The following ALPK3 variants were observed in gnomAD, a reference collection of about 807,000 sequenced individuals.
ALPK3 encodes alpha kinase 3.
Under a neutral mutation model 140.0 loss-of-function variants are expected in ALPK3, and 102 were observed. That is an observed-to-expected ratio of 0.73 (90% CI 0.62 to 0.86). The LOEUF is 0.86. ALPK3 is among the 40% of genes least tolerant of loss of function. The probability of loss-of-function intolerance (pLI) is 0.00; values close to 1 mark genes in which losing one functional copy is unlikely to be tolerated. For synonymous variants in ALPK3, 938 were observed against 898.5 expected (o/e 1.04, Z -0.79); for missense variants, 2,254 against 2,208.2 (o/e 1.02, Z -0.42).
chr15:84,845,485 G>A (rs1227886907), intron 5 of ALPK3, among the ~76,000 whole-genome samples: 1 of 151,962 alleles, frequency 6.6e-6, no homozygotes, highest in Non-Finnish European at 1.5e-5. Context: ...TTGGCCAGAA[G>A]ACTGAAAAAG....
Position 84,858,341 on chromosome 15 carries a change from G to A in ALPK3, c.3603G>A (p.Val1201=). Residue 1201 remains valine, a synonymous_variant, in exon 6 of 14, where the codon GTG becomes GTA. Transcript: ENST00000258888. ...VSPRGPRKSL[V]PGSPGTPGRE... ...CCCGGGGGCCCAGGAAAAGCCTGGT[G>A]CCTGGGTCCCCAGGGACTCCAGGGC... 2 of 1,557,644 alleles carry A rather than the reference G, an allele frequency of 1.3e-6. No homozygotes were observed. Among genetic ancestry groups the A allele is most frequent in the Non-Finnish European group, 1.7e-6 (2 of 1,151,246 alleles).
Position 84,871,497 on chromosome 15 carries a change from T to C in ALPK3, c.*3041T>C, listed in dbSNP as rs1157061512. On this transcript the variant is annotated 3_prime_UTR_variant, in exon 14 of 14. Transcript: ENST00000258888. ...TACTACGTCTTTGAGGATGTGCTCC[T>C]TGCTGGGGGACTAAACTCTCCACGC... is the stretch of plus-strand genomic sequence containing the variant. 2 of 152,270 alleles carry C rather than the reference T, an allele frequency of 1.3e-5. No homozygotes were observed. Among genetic ancestry groups the C allele is most frequent in the Non-Finnish European group, 2.9e-5 (2 of 68,060 alleles). 9.4% of individuals were successfully genotyped at this position (152,270 alleles called of 1,614,324 possible).
At chr15:84,821,511 G>A (rs960015491) in intron 1 of ALPK3, among the ~76,000 whole-genome samples, 6 of 152,220 alleles carry the variant, frequency 3.9e-5, no homozygotes, top group Non-Finnish European at 8.8e-5. Context: ...GTTGGCCAGT[G>A]CCTTGGAACC....
Position 84,856,888 on chromosome 15 carries a change from C to T in ALPK3, c.2150C>T (p.Pro717Leu). The change falls in exon 6 of 14, where the codon CCC (proline) becomes CTC (leucine). Residue 717 changes from proline (P) to leucine (L), a missense_variant. Coordinates refer to ENST00000258888, the MANE Select transcript of ALPK3 (RefSeq NM_020778.5). ...EKGTQSEGSA[P>L]TAMEGQSEQE... The stretch of plus-strand genomic sequence containing the variant: ...GGGACGCAGTCAGAGGGGAGCGCGC[C>T]CACAGCCATGGAAGGTCAGTCTGAG... 1 of 1,613,946 alleles carries T rather than the reference C, an allele frequency of 6.2e-7. No individual in the cohort carries two copies. Among genetic ancestry groups the T allele is most frequent in the South Asian group, 1.1e-5 (1 of 91,044 alleles).
At position 84,864,612 on chromosome 15, in the gene ALPK3, A is replaced by G. The variant is rs1225132252; in HGVS notation, c.4670A>G (p.Gln1557Arg). 6 of 1,614,216 alleles carry G rather than the reference A, an allele frequency of 3.7e-6. No individual in the cohort carries two copies. Among genetic ancestry groups the G allele is most frequent in the Non-Finnish European group, 5.1e-6 (6 of 1,180,026 alleles). ...SEAMQKCQTF[Q>R]HWLYQWTNGS... Reference sequence around the variant, plus strand: ...GCCATGCAGAAATGCCAGACCTTCCAACACTGGCTGTATCAGTGGACAAAT... The same window carrying G: ...GCCATGCAGAAATGCCAGACCTTCCGACACTGGCTGTATCAGTGGACAAAT... The change falls in exon 12 of 14, where the codon CAA (glutamine) becomes CGA (arginine). Residue 1557 changes from glutamine (Q) to arginine (R), a missense_variant. Transcript: ENST00000258888.
Position 84,839,803 on chromosome 15 carries a change from A to C in ALPK3, c.524A>C (p.Tyr175Ser), listed in dbSNP as rs753599829. The stretch of plus-strand genomic sequence containing the variant: ...CTGGAGGTGGGCACCATGACTGAGT[A>C]CAAGATCCACCAGCGCTGGTTCGCC... Reference protein sequence around the residue: ...GVLEVGTMTEYKIHQRWFAKL... With the variant: ...GVLEVGTMTESKIHQRWFAKL... The change falls in exon 5 of 14, where the codon TAC (tyrosine) becomes TCC (serine). Residue 175 changes from tyrosine (Y) to serine (S), a missense_variant. Around this residue, in one of 3 missense-constraint regions of ALPK3, gnomAD observed 2,088 missense variants for 2,022.9 expected, o/e 1.03. Coordinates refer to ENST00000258888, the MANE Select transcript of ALPK3 (RefSeq NM_020778.5). 16 of 1,613,994 alleles carry C rather than the reference A, an allele frequency of 9.9e-6. No homozygotes were observed. The highest frequency in any genetic ancestry group is 1.4e-5 in the Non-Finnish European group (16 of 1,180,022).
At chr15:84,832,024 T>C (rs1419941633) in intron 3 of ALPK3, among the ~76,000 whole-genome samples, 2 of 152,222 alleles carry the variant, frequency 1.3e-5, no homozygotes, top group Non-Finnish European at 2.9e-5. Flanking sequence ...GCTGGCTTAC[T>C]CTCAGGGCAG....
At chr15:84,849,012 C>T (rs1963767665) in intron 5 of ALPK3, among the ~76,000 whole-genome samples, 1 of 151,996 alleles carries the variant, frequency 6.6e-6, no homozygotes. Flanking sequence ...CATGGTGGTG[C>T]ATGCCTGTAA....
chr15:84,847,559 A>G (rs1312031478), intron 5 of ALPK3, among the ~76,000 whole-genome samples: 3 of 152,226 alleles, frequency 2.0e-5, no homozygotes, highest in African/African-American at 7.2e-5. Flanking sequence ...TAGGGAAGCA[A>G]TGATTTGAAT....
chr15:84,868,321 C>T lies in ALPK3; in HGVS notation c.4983C>T (p.Leu1661=), dbSNP rs752848836. ...QLSPQPQKKG[L]PSPQGTRKSA... is the part of the protein sequence containing the mutation. The stretch of plus-strand genomic sequence containing the variant: ...GTCCTCAGCCCCAGAAGAAAGGCCT[C>T]CCTAGTCCTCAGGGCACCCGGAAGA... The change falls in exon 14 of 14, where the codon CTC becomes CTT. Residue 1661 remains leucine, a synonymous_variant. Coordinates refer to ENST00000258888, the MANE Select transcript of ALPK3 (RefSeq NM_020778.5). 14 of 1,614,124 alleles carry T rather than the reference C, an allele frequency of 8.7e-6. No individual in the cohort carries two copies. Among genetic ancestry groups the T allele is most frequent in the African/African-American group, 1.3e-5 (1 of 75,050 alleles).
chr15:84,846,079 A>AACAACAAT (rs781571011), intron 5 of ALPK3, among the ~76,000 whole-genome samples: 2 of 152,112 alleles, frequency 1.3e-5, no homozygotes, highest in Non-Finnish European at 2.9e-5. Context: ...AAAATAAAAC[A>AACAACAAT]ACAACAATAA....
chr15:84,852,516 A>T (rs565880339), intron 5 of ALPK3: 1 of 281,542 alleles, frequency 3.6e-6, no homozygotes, highest in East Asian at 9.6e-5. Context: ...CTCCCCAGGA[A>T]AACATACCAC....
intron 12 of ALPK3, among the ~76,000 whole-genome samples, chr15:84,865,713 C>G (rs1368258505): frequency 1.3e-5 from 2 of 152,222 alleles, no homozygotes; most frequent in Non-Finnish European, 2.9e-5. Flanking sequence ...AATCCCAGCA[C>G]TTTGGGAGGC....
intron 1 of ALPK3, among the ~76,000 whole-genome samples, chr15:84,819,989 G>A (rs2034710160): frequency 6.6e-6 from 1 of 152,160 alleles, no homozygotes; most frequent in Non-Finnish European, 1.5e-5. Flanking sequence ...TGCCCACTGG[G>A]GTCAGAGGTC....
At chr15:84,861,166 C>A (rs1302964330) in intron 9 of ALPK3, among the ~76,000 whole-genome samples, 1 of 152,216 alleles carries the variant, frequency 6.6e-6, no homozygotes, top group Non-Finnish European at 1.5e-5. Context: ...TTGGCTGATG[C>A]AGCTCCCAAG....
rs529945994 is a variant in ALPK3, at chr15:84,842,516, G to A, written c.1653+1584G>A. Among the ~76,000 whole-genome samples the A allele has an allele frequency of 2.4e-4, 36 of 152,236 alleles. No homozygotes were observed. The South Asian group carries it at 6.0e-3, about 25-fold the overall frequency. On this transcript the variant is annotated intron_variant, in intron 5 of 13. Transcript: ENST00000258888. The stretch of plus-strand genomic sequence containing the variant: ...AGGGACAGAGGACAGGTGGTTTCTC[G>A]GAGCAGTGAAGGGAAGCACATGAGG...
intron 3 of ALPK3, among the ~76,000 whole-genome samples, chr15:84,835,033 C>T (rs1963584193): frequency 6.6e-6 from 1 of 152,210 alleles, no homozygotes; most frequent in African/African-American, 2.4e-5. Context: ...AGGCCCCAGC[C>T]CTGGGGCTGT....
chr15:84,836,833 T>C (rs1963602216), intron 3 of ALPK3, among the ~76,000 whole-genome samples: 2 of 151,790 alleles, frequency 1.3e-5, no homozygotes, highest in Non-Finnish European at 2.9e-5. Context: ...TGAGTATGGA[T>C]AGAGAATGGA....
chr15:84,835,296 C>T (rs1325240119), intron 3 of ALPK3, among the ~76,000 whole-genome samples: 1 of 152,160 alleles, frequency 6.6e-6, no homozygotes, highest in Non-Finnish European at 1.5e-5. Flanking sequence ...GCTTTACAGC[C>T]AGGGCTGCCC....
Sources: allele counts gnomAD v4.1 joint callset (sites outside exome capture counted in the v4.1 genomes callset), GRCh38; gene constraint gnomAD v4.1.1; regional missense constraint gnomAD v4.1.1; transcripts MANE v1.5; gene names NCBI Gene and HGNC (gene_info 2026-07-23, HGNC 2026-07-21).